Variants in SYT16 observed in about 807,000 individuals in gnomAD.
The protein encoded by SYT16 is synaptotagmin-16.
Under a neutral mutation model 61.4 loss-of-function variants are expected in SYT16, and 42 were observed. The ratio of observed to expected loss-of-function variants is 0.68; its 90% CI spans 0.53 to 0.89. The LOEUF is 0.89. Ranked by LOEUF, SYT16 falls within the 40% of genes least tolerant of loss-of-function variation. SYT16 has a pLI of 0.00. For missense variants in SYT16, 804 were observed against 807.3 expected, an observed-to-expected ratio of 1.00 and a Z score of 0.05; for synonymous variants, 314 against 302.3, an observed-to-expected ratio of 1.04 and a Z score of -0.40.
At chr14:62,029,302 G>A (rs915490237) in intron 3 of SYT16, among the ~76,000 whole-genome samples, 5 of 152,308 alleles carry the variant, frequency 3.3e-5, no homozygotes, top group African/African-American at 1.2e-4. Flanking sequence ...TTGTGAAGTG[G>A]TCCCTTTGGA....
intron 3 of SYT16, among the ~76,000 whole-genome samples, chr14:62,039,834 TACACACACAC>T (rs71449576): frequency 0.02 from 2,490 of 124,410 alleles, 15 homozygotes; most frequent in Middle Eastern, 0.06. Flanking sequence ...GGCTTAAGCA[TACACACACAC>T]ACACACACAC....
chr14:62,025,627 T>G (rs1566775364), intron 3 of SYT16, among the ~76,000 whole-genome samples: 1 of 152,186 alleles, frequency 6.6e-6, no homozygotes, highest in Admixed American at 6.5e-5. Context: ...ATTTATTTCA[T>G]GGATTGTGCC....
At chr14:61,826,822 G>A (rs1490470794) in intron 1 of SYT16, among the ~76,000 whole-genome samples, 1 of 151,992 alleles carries the variant, frequency 6.6e-6, no homozygotes, top group Non-Finnish European at 1.5e-5. Context: ...CAAGACTGAG[G>A]TGCCAGGAGG....
chr14:61,877,296 G>A (rs1238094977), intron 1 of SYT16, among the ~76,000 whole-genome samples: 1 of 152,134 alleles, frequency 6.6e-6, no homozygotes, highest in Non-Finnish European at 1.5e-5. Context: ...GGGAGGGAAG[G>A]TTGTCACACA....
chr14:61,928,173 A>G (rs1425798872), intron 1 of SYT16, among the ~76,000 whole-genome samples: 1 of 152,170 alleles, frequency 6.6e-6, no homozygotes, highest in Non-Finnish European at 1.5e-5. Flanking sequence ...CCTGAGTGTT[A>G]TAGAAAATGG....
intron 1 of SYT16, among the ~76,000 whole-genome samples, chr14:61,886,880 C>CTTTTTTTTTTTTTT (rs371140698): frequency 5.4e-5 from 6 of 110,830 alleles, no homozygotes; most frequent in Non-Finnish European, 7.2e-5. Flanking sequence ...TTTTTTTTGT[C>CTTTTTTTTTTTTTT]TTTTTTTTTT....
chr14:62,064,563 T>G (rs1257810493), intron 3 of SYT16, among the ~76,000 whole-genome samples: 1 of 152,172 alleles, frequency 6.6e-6, no homozygotes, highest in Non-Finnish European at 1.5e-5. Context: ...TTTCTGGTGA[T>G]AAAACACAGT....
At chr14:61,907,957 G>A (rs948160161) in intron 1 of SYT16, among the ~76,000 whole-genome samples, 21 of 152,346 alleles carry the variant, frequency 1.4e-4, no homozygotes, top group Admixed American at 1.3e-4. Context: ...AAAGAACACA[G>A]AGCATGAGAG....
intron 5 of SYT16, chr14:62,077,506 T>A (rs947874475): frequency 2.0e-5 from 3 of 152,162 alleles, no homozygotes; most frequent in Admixed American, 6.5e-5. Flanking sequence ...GGGAGACAGG[T>A]GTCCCACTTT....
chr14:62,087,246 G>T (rs968081326), intron 7 of SYT16, among the ~76,000 whole-genome samples: 9 of 152,222 alleles, frequency 5.9e-5, no homozygotes, highest in African/African-American at 1.2e-4. Context: ...AAGAAGAGAG[G>T]ACAGGAGCCA....
At chr14:62,084,436 A>G in intron 7 of SYT16, 51 bp downstream of exon 7, 1 of 1,558,742 alleles carries the variant, frequency 6.4e-7, no homozygotes. Flanking sequence ...GGCAAGTGGA[A>G]AGCCCTGTCT....
intron 1 of SYT16, among the ~76,000 whole-genome samples, chr14:61,962,172 C>T (rs559457318): frequency 5.3e-5 from 8 of 152,142 alleles, no homozygotes; most frequent in Admixed American, 2.0e-4. Context: ...GGATACTATG[C>T]CTATTACCTG....
At chr14:62,082,216 G>C (rs981020264) in intron 6 of SYT16, among the ~76,000 whole-genome samples, 5 of 152,144 alleles carry the variant, frequency 3.3e-5, no homozygotes, top group Non-Finnish European at 5.9e-5. Context: ...GGGGAGTGGG[G>C]AAGCTTGTCA....
intron 1 of SYT16, among the ~76,000 whole-genome samples, chr14:61,818,192 G>C (rs1381549837): frequency 6.6e-6 from 1 of 152,138 alleles, no homozygotes; most frequent in African/African-American, 2.4e-5. Flanking sequence ...CATGTATCCA[G>C]GTCACATAGC....
At chr14:61,813,933 G>C (rs1054126676) in intron 1 of SYT16, among the ~76,000 whole-genome samples, 2 of 151,898 alleles carry the variant, frequency 1.3e-5, no homozygotes, top group African/African-American at 4.8e-5. Flanking sequence ...CTTTAGGATA[G>C]TGTGGAGAGC....
chr14:61,970,239 G>A lies in SYT16; in HGVS notation c.-217G>A, dbSNP rs1210200485. 6.6e-6 allele frequency: 1 copy of A among 152,094 alleles called. No homozygotes were observed. The highest frequency in any genetic ancestry group is 1.5e-5 in the Non-Finnish European group (1 of 68,046). 9.4% of individuals were successfully genotyped at this position (152,094 alleles called of 1,614,324 possible). A position where few individuals can be genotyped will look rare whatever the true frequency, so the allele number is the denominator to read the frequency against. On this transcript the variant is annotated 5_prime_UTR_variant, in exon 2 of 8. Transcript: ENST00000683842. ...GAAGCTGTGTTTTGAAACGATAGGAGGCCTTCCTTTCCTGGAGCATCGAGG... is the reference window on the plus strand; with the variant it reads ...GAAGCTGTGTTTTGAAACGATAGGAAGCCTTCCTTTCCTGGAGCATCGAGG...
chr14:61,987,932 C>G (rs1421475647), intron 2 of SYT16, among the ~76,000 whole-genome samples: 9 of 152,100 alleles, frequency 5.9e-5, no homozygotes, highest in Admixed American at 5.2e-4. Context: ...TCAAGTGATA[C>G]AAATGATGTT....
At chr14:62,047,144 T>C (rs1217278271) in intron 3 of SYT16, among the ~76,000 whole-genome samples, 2 of 152,214 alleles carry the variant, frequency 1.3e-5, no homozygotes, top group East Asian at 3.8e-4. Flanking sequence ...TCCTCTTTTA[T>C]TTCATTGAGC....
intron 3 of SYT16, among the ~76,000 whole-genome samples, chr14:62,039,451 G>A (rs1383693584): frequency 6.6e-6 from 1 of 152,162 alleles, no homozygotes; most frequent in Admixed American, 6.5e-5. Context: ...TCTATGTTGG[G>A]ATAAGAGAGG....
Sources: gnomAD v4.1 joint callset for allele counts (sites outside exome capture counted in the v4.1 genomes callset) on GRCh38, gnomAD v4.1.1 for gene constraint, MANE v1.5 for transcripts, NCBI Gene and HGNC (gene_info 2026-07-23, HGNC 2026-07-21) for gene names.